Variants in SUMF1 observed in about 807,000 individuals in gnomAD.
The protein encoded by SUMF1 is formylglycine-generating enzyme.
In SUMF1, 48 loss-of-function variants were observed where a neutral mutation model predicts 47.6. The observed-to-expected ratio is 1.01, with a 90% CI of 0.80 to 1.28. The LOEUF is 1.28. Among genes scored for constraint, SUMF1 ranks in the 50% most tolerant of loss-of-function variants. The pLI is 0.00. For missense variants in SUMF1, 571 were observed against 485.4 expected (o/e 1.18, Z -1.66); for synonymous variants, 230 against 192.1 (o/e 1.20, Z -1.63).
At chr3:4,462,923 T>G (rs953045936) in intron 1 of SUMF1, among the ~76,000 whole-genome samples, 3 of 152,214 alleles carry the variant, frequency 2.0e-5, no homozygotes, top group African/African-American at 7.2e-5. Flanking sequence ...TAAGCCTCAG[T>G]TGCCTCATCT....
intron 6 of SUMF1, among the ~76,000 whole-genome samples, chr3:4,413,437 ATT>A (rs1466203573): frequency 6.6e-6 from 1 of 152,048 alleles, no homozygotes; most frequent in Non-Finnish European, 1.5e-5. Context: ...ACCTTAAATA[ATT>A]TGATGTTTAA....
intron 8 of SUMF1, among the ~76,000 whole-genome samples, chr3:4,291,244 T>C (rs1308013912): frequency 6.6e-6 from 1 of 152,172 alleles, no homozygotes; most frequent in Non-Finnish European, 1.5e-5. Context: ...TTAACACTGA[T>C]GGTAGTCCCA....
intron 7 of SUMF1, among the ~76,000 whole-genome samples, chr3:4,385,811 T>C (rs1388366039): frequency 6.6e-6 from 1 of 152,208 alleles, no homozygotes; most frequent in Non-Finnish European, 1.5e-5. Context: ...TTATGTAAGG[T>C]GTGAGACTAA....
At chr3:4,445,116 T>C (rs1004577841) in intron 3 of SUMF1, among the ~76,000 whole-genome samples, 1 of 152,156 alleles carries the variant, frequency 6.6e-6, no homozygotes, top group African/African-American at 2.4e-5. Context: ...ATGATATAGA[T>C]AAATTTTTGA....
chr3:4,422,979 T>C (rs935330975), intron 3 of SUMF1, among the ~76,000 whole-genome samples: 1 of 152,142 alleles, frequency 6.6e-6, no homozygotes, highest in Non-Finnish European at 1.5e-5. Flanking sequence ...GTGCCATTCT[T>C]ATGCCTTTGC....
intron 8 of SUMF1, among the ~76,000 whole-genome samples, chr3:4,233,018 C>G (rs944753330): frequency 2.9e-4 from 44 of 152,124 alleles, no homozygotes; most frequent in Non-Finnish European, 6.2e-4. Flanking sequence ...CTGCAGTTAA[C>G]AAAAGCCTCT....
intron 7 of SUMF1, among the ~76,000 whole-genome samples, chr3:4,396,899 C>T (rs1343803878): frequency 2.0e-5 from 3 of 152,186 alleles, no homozygotes; most frequent in Non-Finnish European, 4.4e-5. Context: ...CTGTGAAACA[C>T]AAGGCTATAA....
chr3:4,128,431 C>A (rs1410794027), intron 8 of SUMF1, among the ~76,000 whole-genome samples: 1 of 152,144 alleles, frequency 6.6e-6, no homozygotes, highest in Admixed American at 6.6e-5. Context: ...GTAGTGGCAA[C>A]ATCCCCTAAC....
intron 8 of SUMF1, among the ~76,000 whole-genome samples, chr3:4,282,629 T>C (rs1278932867): frequency 6.6e-5 from 10 of 152,208 alleles, no homozygotes; most frequent in Admixed American, 5.9e-4. Flanking sequence ...AAAATAACGA[T>C]ACCAGCGCAA....
chr3:4,042,839 G>A (rs1295736058), intron 9 of SUMF1, among the ~76,000 whole-genome samples: 1 of 152,108 alleles, frequency 6.6e-6, no homozygotes, highest in Non-Finnish European at 1.5e-5. Flanking sequence ...AAAAGGATCA[G>A]GCTATTTGCT....
At chr3:4,271,796 T>C (rs1463414995) in intron 8 of SUMF1, among the ~76,000 whole-genome samples, 1 of 152,122 alleles carries the variant, frequency 6.6e-6, no homozygotes, top group Non-Finnish European at 1.5e-5. Context: ...GCCAACCTGG[T>C]CTATGCCATC....
intron 8 of SUMF1, among the ~76,000 whole-genome samples, chr3:4,080,932 A>T (rs1188783770): frequency 6.6e-6 from 1 of 152,112 alleles, no homozygotes; most frequent in Non-Finnish European, 1.5e-5. Context: ...CTAGCTGGTG[A>T]CCATGAGCAA....
chr3:4,250,903 C>G (rs1696786953), intron 8 of SUMF1, among the ~76,000 whole-genome samples: 1 of 152,158 alleles, frequency 6.6e-6, no homozygotes, highest in Non-Finnish European at 1.5e-5. Flanking sequence ...TCAAATGGAG[C>G]TTATAAACAA....
intron 7 of SUMF1, among the ~76,000 whole-genome samples, chr3:4,383,671 C>G (rs1700580610): frequency 6.6e-6 from 1 of 152,164 alleles, no homozygotes; most frequent in Non-Finnish European, 1.5e-5. Flanking sequence ...CTTTATAAGA[C>G]TGGAGTCTCC....
intron 8 of SUMF1, among the ~76,000 whole-genome samples, chr3:4,252,008 A>G (rs1196687774): frequency 6.6e-6 from 1 of 152,170 alleles, no homozygotes; most frequent in Non-Finnish European, 1.5e-5. Flanking sequence ...ACAATATTCA[A>G]TTTGTTGTGC....
chr3:4,327,554 C>A (rs187173050), intron 8 of SUMF1, among the ~76,000 whole-genome samples: 20 of 151,500 alleles, frequency 1.3e-4, no homozygotes, highest in Non-Finnish European at 2.2e-4. Context: ...TGGTATGTAA[C>A]AATTTAACAT....
At chr3:4,307,809 G>A (rs1698250110) in intron 8 of SUMF1, among the ~76,000 whole-genome samples, 3 of 152,118 alleles carry the variant, frequency 2.0e-5, no homozygotes, top group Admixed American at 6.5e-5. Context: ...GGCCAAGGCG[G>A]GAGAATCACT....
At chr3:4,388,211 A>G (rs1022403121) in intron 7 of SUMF1, among the ~76,000 whole-genome samples, 1 of 151,996 alleles carries the variant, frequency 6.6e-6, no homozygotes, top group Admixed American at 6.6e-5. Flanking sequence ...TTCTCCTTTC[A>G]ATTTTATTAC....
chr3:4,039,516 TC>T (rs1244352654), intron 9 of SUMF1, among the ~76,000 whole-genome samples: 1 of 140,282 alleles, frequency 7.1e-6, no homozygotes, highest in African/African-American at 2.8e-5. Context: ...AATGATGGTT[TC>T]CAATTTCATC....
Sources: gnomAD v4.1 joint callset for allele counts (sites outside exome capture counted in the v4.1 genomes callset) on GRCh38, gnomAD v4.1.1 for gene constraint, MANE v1.5 for transcripts, NCBI Gene and HGNC (gene_info 2026-07-23, HGNC 2026-07-21) for gene names.